The following CLIP1 variants were observed in gnomAD, a reference collection of about 807,000 sequenced individuals.
The protein encoded by CLIP1 is CAP-Gly domain containing linker protein 1, also known as CAP-Gly domain-containing linker protein 1.
In CLIP1, 66 loss-of-function variants were observed where a neutral mutation model predicts 161.6. The observed-to-expected ratio is 0.41, with a 90% CI of 0.33 to 0.50. CLIP1 has a LOEUF of 0.50. Ranked by LOEUF, CLIP1 falls within the 20% of genes least tolerant of loss-of-function variation. The probability of loss-of-function intolerance (pLI) is 0.27; values close to 1 mark genes in which losing one functional copy is unlikely to be tolerated. For missense variants in CLIP1, 1,376 were observed against 1,702.0 expected (o/e 0.81, Z 3.37); for synonymous variants, 598 against 626.2 (o/e 0.96, Z 0.67).
intron 20 of CLIP1, among the ~76,000 whole-genome samples, chr12:122,309,086 GAGA>G (rs1003479150): frequency 6.6e-6 from 1 of 152,214 alleles, no homozygotes; most frequent in African/African-American, 2.4e-5. Flanking sequence ...TCAACTGTTA[GAGA>G]AGAATAAAAG....
At position 122,319,260 on chromosome 12, in the gene CLIP1, T is replaced by C. The variant is rs1186007271; in HGVS notation, c.3338A>G (p.Lys1113Arg). 6 of 1,613,220 alleles carry C rather than the reference T, an allele frequency of 3.7e-6. No individual in the cohort carries two copies. Among genetic ancestry groups the C allele is most frequent in the African/African-American group, 1.3e-5 (1 of 74,944 alleles). ...TETLASLEDT[K>R]QTNAKLQNEL... is the part of the protein sequence containing the mutation. ...ATTCTGTAGTTTTGCATTTGTTTGC[T>C]TGGTGTCCTCCAAGGAGGCCAGAGT... The change falls in exon 18 of 26, where the codon AAG becomes AGG. Residue 1113 changes from lysine (K) to arginine (R), a missense_variant. Physicochemically the swap from Lys to Arg is conservative, Grantham distance 26. Coordinates refer to ENST00000620786, the MANE Select transcript of CLIP1 (RefSeq NM_001247997.2).
At chr12:122,336,786 CA>C in intron 11 of CLIP1, 38 bp from the exon 12 acceptor site, 1 of 864,468 alleles carries the variant, frequency 1.2e-6, no homozygotes. Context: ...AGCAAATGAA[CA>C]AAAGGAAAAC....
At chr12:122,392,968 G>A (rs1007192427) in intron 1 of CLIP1, among the ~76,000 whole-genome samples, 6 of 151,982 alleles carry the variant, frequency 3.9e-5, no homozygotes, top group Non-Finnish European at 7.4e-5. Context: ...TTTTAGTAGA[G>A]ACAGGGTTTC....
At chr12:122,278,415 G>T in intron 23 of CLIP1, 1 of 589,392 alleles carries the variant, frequency 1.7e-6, no homozygotes, top group Non-Finnish European at 3.0e-6. Flanking sequence ...CCCTTCACGT[G>T]CTCTCCCTCA....
chr12:122,285,314 C>T (rs767237799), intron 21 of CLIP1, among the ~76,000 whole-genome samples: 14 of 150,622 alleles, frequency 9.3e-5, no homozygotes, highest in Non-Finnish European at 1.9e-4. Context: ...ACAACCTCCA[C>T]CTCCCGGGTT....
At chr12:122,406,891 C>T (rs201878698) in intron 1 of CLIP1, among the ~76,000 whole-genome samples, 2 of 147,406 alleles carry the variant, frequency 1.4e-5, no homozygotes, top group Admixed American at 6.8e-5. Context: ...CTACTTAGCA[C>T]GCAGAAAATA....
intron 15 of CLIP1, among the ~76,000 whole-genome samples, chr12:122,332,112 A>G (rs1952000414): frequency 6.6e-6 from 1 of 152,114 alleles, no homozygotes; most frequent in African/African-American, 2.4e-5. Context: ...CCTGACCAAC[A>G]TGGAGAAACC....
intron 19 of CLIP1, among the ~76,000 whole-genome samples, chr12:122,310,698 T>C (rs1057395036): frequency 6.6e-6 from 1 of 152,224 alleles, no homozygotes; most frequent in Non-Finnish European, 1.5e-5. Context: ...AGTTTTATGC[T>C]ATAGAGGGTT....
intron 20 of CLIP1, among the ~76,000 whole-genome samples, chr12:122,291,815 C>T (rs971851016): frequency 2.0e-5 from 3 of 152,224 alleles, no homozygotes; most frequent in East Asian, 3.9e-4. Flanking sequence ...TTTGAAACTA[C>T]GTAAATATCC....
At chr12:122,397,192 G>T (rs1431461258) in intron 1 of CLIP1, among the ~76,000 whole-genome samples, 1 of 151,906 alleles carries the variant, frequency 6.6e-6, no homozygotes, top group Admixed American at 6.6e-5. Flanking sequence ...GCCACTCTAG[G>T]CCTAGCCCAG....
chr12:122,361,961 T>TC (rs987236116), intron 4 of CLIP1, among the ~76,000 whole-genome samples: 1 of 151,958 alleles, frequency 6.6e-6, no homozygotes, highest in Non-Finnish European at 1.5e-5. Context: ...ATGTATAATT[T>TC]TTTTTTTTTT....
chr12:122,372,858 C>T (rs946957562), intron 3 of CLIP1, among the ~76,000 whole-genome samples: 1 of 152,058 alleles, frequency 6.6e-6, no homozygotes, highest in African/African-American at 2.4e-5. Flanking sequence ...GCATAAACTC[C>T]CACCCAAAAA....
At chr12:122,406,306 C>T (rs993471601) in intron 1 of CLIP1, among the ~76,000 whole-genome samples, 2 of 152,044 alleles carry the variant, frequency 1.3e-5, no homozygotes, top group Admixed American at 6.6e-5. Context: ...ATTAGCCAGG[C>T]GTGGTGGTGC....
At position 122,333,034 on chromosome 12, in the gene CLIP1, G is replaced by A; in HGVS notation, c.2820C>T (p.Asn940=). ...IAEIMKMSGD[N]SSQLTKMNDE... ...CGTTCATTTTTGTCAGCTGAGAAGA[G>A]TTATCTCCTGACATCTTCATTATTT... The change falls in exon 15 of 26, where the codon AAC becomes AAT. Residue 940 remains asparagine (N), a synonymous_variant. Transcript: ENST00000620786. 2.5e-6 allele frequency: 4 copies of A among 1,613,770 alleles called. No individual in the cohort carries two copies. Among genetic ancestry groups the A allele is most frequent in the Non-Finnish European group, 3.4e-6 (4 of 1,179,846 alleles).
At chr12:122,278,613 C>T (rs1955525880) in intron 23 of CLIP1, 179 bp downstream of exon 23, 2 of 622,350 alleles carry the variant, frequency 3.2e-6, no homozygotes, top group East Asian at 2.9e-5. Context: ...CACAAGAAGC[C>T]CCAGGAACGG....
chr12:122,392,878 C>G (rs901452769), intron 1 of CLIP1, among the ~76,000 whole-genome samples: 1 of 151,982 alleles, frequency 6.6e-6, no homozygotes, highest in Admixed American at 6.6e-5. Context: ...ACCTCCCAGG[C>G]TCAAGCAATC....
chr12:122,368,128 C>CA (rs958137340), intron 3 of CLIP1, among the ~76,000 whole-genome samples: 15 of 151,436 alleles, frequency 9.9e-5, no homozygotes, highest in Admixed American at 5.9e-4. Context: ...ACTAGAAACG[C>CA]AAAAAAAACC....
intron 10 of CLIP1, among the ~76,000 whole-genome samples, chr12:122,345,483 C>T (rs1193651795): frequency 2.6e-5 from 4 of 151,596 alleles, no homozygotes; most frequent in Non-Finnish European, 4.4e-5. Flanking sequence ...GTTTTCTTAC[C>T]AAATACACAG....
chr12:122,288,119 G>A (rs946024890), intron 21 of CLIP1, among the ~76,000 whole-genome samples: 6 of 151,440 alleles, frequency 4.0e-5, no homozygotes, highest in Non-Finnish European at 5.9e-5. Context: ...TGCAACCTCC[G>A]CTTCCCAGGT....
Sources: allele counts gnomAD v4.1 joint callset (sites outside exome capture counted in the v4.1 genomes callset), GRCh38; gene constraint gnomAD v4.1.1; transcripts MANE v1.5; gene names NCBI Gene and HGNC (gene_info 2026-07-23, HGNC 2026-07-21).